Variants in NSD3 observed in about 807,000 individuals in gnomAD.
The protein encoded by NSD3 is histone-lysine N-methyltransferase NSD3.
In NSD3, 24 loss-of-function variants were observed where a neutral mutation model predicts 160.8. The observed-to-expected ratio is 0.15, with a 90% CI of 0.11 to 0.21. NSD3 has a LOEUF of 0.21. Ranked by LOEUF, NSD3 falls within the 10% of genes least tolerant of loss-of-function variation. The pLI, the probability that NSD3 is intolerant of heterozygous loss-of-function variation, is 1.00. For missense variants in NSD3, 1,157 were observed against 1,735.9 expected, an observed-to-expected ratio of 0.67 and a Z score of 5.93; for synonymous variants, 520 against 600.0, an observed-to-expected ratio of 0.87 and a Z score of 1.95.
intron 14 of NSD3, among the ~76,000 whole-genome samples, chr8:38,304,131 A>G (rs1052405805): frequency 5.3e-5 from 8 of 152,182 alleles, no homozygotes; most frequent in Admixed American, 5.2e-4. Flanking sequence ...GCCAGACCAA[A>G]ACATTATGAT....
intron 1 of NSD3, among the ~76,000 whole-genome samples, chr8:38,359,635 T>C (rs956839008): frequency 1.3e-5 from 2 of 152,228 alleles, no homozygotes; most frequent in Non-Finnish European, 2.9e-5. Context: ...CTAGAATCGA[T>C]AGGATCTAAT....
At chr8:38,308,549 T>C (rs1273444255) in intron 12 of NSD3, among the ~76,000 whole-genome samples, 3 of 152,250 alleles carry the variant, frequency 2.0e-5, no homozygotes, top group African/African-American at 4.8e-5. Flanking sequence ...ATGGTCACAG[T>C]GGCTCATGCC....
Position 38,337,490 on chromosome 8 carries a change from T to C in NSD3, c.748-23A>G, listed in dbSNP as rs770306032. 3.1e-5 allele frequency: 47 copies of C among 1,524,970 alleles called. 1 individual carries two copies. Among genetic ancestry groups the C allele is most frequent in the Non-Finnish European group, 3.8e-5 (44 of 1,142,870 alleles). The allele number at this position is 1,524,970 out of a possible 1,614,324, so 94.5% of individuals were successfully genotyped here. ...AACCTACAGGAAAGGGTCAAAAAAC[T>C]TCATCAGAAATTCAAAAAAAGAAAC... On this transcript the variant is annotated intron_variant, in intron 3 of 23. Coordinates refer to ENST00000317025, the MANE Select transcript of NSD3 (RefSeq NM_023034.2).
chr8:38,379,679 A>G (rs749862079), intron 1 of NSD3, among the ~76,000 whole-genome samples: 3 of 152,208 alleles, frequency 2.0e-5, no homozygotes, highest in Non-Finnish European at 4.4e-5. Context: ...CTGTATAACA[A>G]CTGAGAGGAT....
Position 38,275,444 on chromosome 8 carries a change from A to T in NSD3, c.*197T>A. 3.5e-6 allele frequency: 2 copies of T among 564,132 alleles called. No individual in the cohort carries two copies. Among genetic ancestry groups the T allele is most frequent in the African/African-American group, 1.9e-5 (1 of 53,368 alleles). 34.9% of individuals were successfully genotyped at this position (564,132 alleles called of 1,614,324 possible). A position where few individuals can be genotyped will look rare whatever the true frequency, so the allele number is the denominator to read the frequency against. On this transcript the variant is annotated 3_prime_UTR_variant, in exon 24 of 24. Coordinates refer to ENST00000317025, the MANE Select transcript of NSD3 (RefSeq NM_023034.2). The stretch of plus-strand genomic sequence containing the variant: ...CCAAGGGAATTTAACCCTCCACAAA[A>T]GAATCCCAAACCAACCAAATCAAAC...
intron 12 of NSD3, among the ~76,000 whole-genome samples, chr8:38,314,036 CCAT>C (rs1381155613): frequency 1.6e-4 from 25 of 152,120 alleles, no homozygotes; most frequent in Non-Finnish European, 3.1e-4. Context: ...AGAAGCACCA[CCAT>C]GTCATCTCCA....
At chr8:38,296,273 A>C (rs553139752) in intron 15 of NSD3, among the ~76,000 whole-genome samples, 23 of 152,290 alleles carry the variant, frequency 1.5e-4, no homozygotes, top group Non-Finnish European at 2.8e-4. Context: ...TTGAAGCATA[A>C]AATCTTTTGA....
At chr8:38,364,546 G>C (rs1811063584) in intron 1 of NSD3, among the ~76,000 whole-genome samples, 1 of 152,164 alleles carries the variant, frequency 6.6e-6, no homozygotes, top group Non-Finnish European at 1.5e-5. Context: ...TCTAGGGGTA[G>C]ACCTGATACA....
At chr8:38,301,354 G>C (rs1028935606) in intron 14 of NSD3, among the ~76,000 whole-genome samples, 1 of 152,220 alleles carries the variant, frequency 6.6e-6, no homozygotes. Flanking sequence ...GAGACAGGCG[G>C]ATCAGCTGAG....
rs79518624 is a variant in NSD3, at chr8:38,365,468, G to A, written c.-45+16331C>T. Among the ~76,000 whole-genome samples, 1,005 of 152,156 alleles carry A rather than the reference G, an allele frequency of 6.6e-3. 10 individuals carry two copies. The highest frequency in any genetic ancestry group is 0.023 in the African/African-American group (941 of 41,510). Reference sequence around the variant, plus strand: ...AAACAGGGTAATACAATACAGGGACGGGGGGCTGGATTCTTTTCTTTGAAG... The same window carrying A: ...AAACAGGGTAATACAATACAGGGACAGGGGGCTGGATTCTTTTCTTTGAAG... On this transcript the variant is annotated intron_variant, in intron 1 of 23. Coordinates refer to ENST00000317025, the MANE Select transcript of NSD3 (RefSeq NM_023034.2).
chr8:38,364,101 C>T (rs772697916), intron 1 of NSD3, among the ~76,000 whole-genome samples: 21 of 151,904 alleles, frequency 1.4e-4, no homozygotes, highest in Non-Finnish European at 2.6e-4. Flanking sequence ...GGTGAAACCC[C>T]GTGTCTACTA....
At position 38,377,225 on chromosome 8, in the gene NSD3, G is replaced by C. The variant is rs187792070; in HGVS notation, c.-45+4574C>G. 1.4e-4 allele frequency among the ~76,000 whole-genome samples: 21 copies of C among 147,442 alleles called. 1 individual carries two copies. The East Asian group carries it at 3.5e-3, about 25-fold the overall frequency. On this transcript the variant is annotated intron_variant, in intron 1 of 23. Transcript: ENST00000317025. Reference sequence around the variant, plus strand: ...GCACCACCATGCCCGGCTAATTTTTGTATTTTTAGTAGAGACGGGAGTTTC... The same window carrying C: ...GCACCACCATGCCCGGCTAATTTTTCTATTTTTAGTAGAGACGGGAGTTTC...
Position 38,329,372 on chromosome 8 carries a change from AG to A in NSD3, c.1581+5del. ...CCCCAAAAAACTCCACGAAAAAAGGAGGTACCTTTGTTGAATAAACAAATTG... is the reference window on the plus strand; with the variant it reads ...CCCCAAAAAACTCCACGAAAAAAGGAGTACCTTTGTTGAATAAACAAATTG... On this transcript the variant is annotated splice_donor_5th_base_variant and intron_variant, in intron 6 of 23. Coordinates refer to ENST00000317025, the MANE Select transcript of NSD3 (RefSeq NM_023034.2). The surrounding 1 kb of genome is among the most constrained non-coding windows in gnomAD (Gnocchi z 4.8). 3.1e-6 allele frequency: 5 copies of A among 1,602,002 alleles called. No individual in the cohort carries two copies. The highest frequency in any genetic ancestry group is 4.3e-6 in the Non-Finnish European group (5 of 1,171,656).
chr8:38,380,192 A>T (rs1385088308), intron 1 of NSD3, among the ~76,000 whole-genome samples: 1 of 152,228 alleles, frequency 6.6e-6, no homozygotes, highest in African/African-American at 2.4e-5. Flanking sequence ...GAGTTTATTT[A>T]AAAAAGAAAA....
chr8:38,332,822 TG>T (rs2150376759), intron 4 of NSD3, among the ~76,000 whole-genome samples: 1 of 152,150 alleles, frequency 6.6e-6, no homozygotes, highest in South Asian at 2.1e-4. Context: ...AAAAAAAAAC[TG>T]ATCTTTTGCG....
chr8:38,305,112 G>C, intron 13 of NSD3, 136 bp downstream of exon 13: 1 of 843,606 alleles, frequency 1.2e-6, no homozygotes, highest in East Asian at 2.6e-5. Context: ...TACTGTGTAT[G>C]TACTGTGGCT....
At chr8:38,313,217 G>GTA (rs1809575128) in intron 12 of NSD3, among the ~76,000 whole-genome samples, 1 of 152,138 alleles carries the variant, frequency 6.6e-6, no homozygotes, top group Admixed American at 6.6e-5. Context: ...TTGTGTGTGT[G>GTA]TGTATGTATG....
In NSD3 at chr8:38,343,943, CTGTT is replaced by C. The variant is rs533290288; in HGVS notation, c.675+3550_675+3553del. On this transcript the variant is annotated intron_variant, in intron 2 of 23. Transcript: ENST00000317025. ...TGAAGTGCTGATAGGAGACCAGTGA[CTGTT>C]TGAATAATAGGGCCTACGCTCACAT... Among the ~76,000 whole-genome samples the C allele has an allele frequency of 2.9e-3, 441 of 152,272 alleles. 1 individual carries two copies. Among genetic ancestry groups the C allele is most frequent in the Middle Eastern group, 6.8e-3 (2 of 294 alleles).
intron 1 of NSD3, among the ~76,000 whole-genome samples, chr8:38,357,556 G>C (rs1810855436): frequency 6.6e-6 from 1 of 151,146 alleles, no homozygotes; most frequent in South Asian, 2.1e-4. Context: ...ACCATCTTTT[G>C]AGCTCAGAAT....
Sources: allele counts gnomAD v4.1 joint callset (sites outside exome capture counted in the v4.1 genomes callset), GRCh38; gene constraint gnomAD v4.1.1; non-coding constraint Gnocchi (gnomAD v3.1); transcripts MANE v1.5; gene names NCBI Gene and HGNC (gene_info 2026-07-23, HGNC 2026-07-21).